The following SMIM3 variants were observed in gnomAD, a reference collection of about 807,000 sequenced individuals.
SMIM3 encodes the protein small integral membrane protein 3, also known as NGF-induced differentiation clone 67 protein.
SMIM3 carries 4 observed loss-of-function variants against 2.1 expected under a neutral mutation model. The observed-to-expected ratio is 1.89, with a 90% CI of 0.93 to 4.31. The LOEUF (loss-of-function observed/expected upper bound fraction) is 4.31. Among genes scored for constraint, SMIM3 ranks in the 30% most tolerant of loss-of-function variants. SMIM3 has a pLI of 0.01. For synonymous variants in SMIM3, 29 were observed against 30.8 expected, an observed-to-expected ratio of 0.94 and a Z score of 0.19; for missense variants, 79 against 77.7, an observed-to-expected ratio of 1.02 and a Z score of -0.06.
intron 1 of SMIM3, among the ~76,000 whole-genome samples, chr5:150,784,867 G>A (rs546722547): frequency 8.6e-5 from 13 of 151,754 alleles, no homozygotes; most frequent in Non-Finnish European, 1.2e-4. Context: ...CCTGTTTTCC[G>A]CTGGAAATTA....
intron 1 of SMIM3, among the ~76,000 whole-genome samples, chr5:150,791,941 T>C (rs181074502): frequency 2.6e-5 from 4 of 152,312 alleles, no homozygotes; most frequent in Admixed American, 2.6e-4. Context: ...AATGAATGAA[T>C]GGGTGAGTGA....
Position 150,792,270 on chromosome 5 carries a change from G to T in SMIM3, c.-11-3160G>T, listed in dbSNP as rs545181491. On this transcript the variant is annotated intron_variant, in intron 1 of 1. Transcript: ENST00000526627. ...ATCGACCTTACATTTGAAAGGACCT[G>T]CAGGAGATAGTTCCAGCCTTGTGCC... Among the ~76,000 whole-genome samples the T allele has an allele frequency of 9.8e-5, 15 of 152,332 alleles. No individual in the cohort carries two copies. In the South Asian group the frequency reaches 2.9e-3, roughly 30 times the overall value.
rs1753407735 is a variant in SMIM3 at position 150,796,240 on chromosome 5, C to T, written c.*617C>T. The T allele has an allele frequency of 1.3e-5, 2 of 153,368 alleles. No individual in the cohort carries two copies. 9.5% of individuals were successfully genotyped at this position (153,368 alleles called of 1,614,324 possible). The stretch of plus-strand genomic sequence containing the variant: ...AAGGCTGTGCCATCTTTGGGCACTG[C>T]CAAGGGAGTTGGGGTGATGGGCTTC... On this transcript the variant is annotated 3_prime_UTR_variant, in exon 2 of 2. Coordinates refer to ENST00000526627, the MANE Select transcript of SMIM3 (RefSeq NM_032947.5).
In SMIM3 at chr5:150,788,369, G is replaced by A. The variant is rs1292729671; in HGVS notation, c.-11-7061G>A. On this transcript the variant is annotated intron_variant, in intron 1 of 1. Coordinates refer to ENST00000526627, the MANE Select transcript of SMIM3 (RefSeq NM_032947.5). The stretch of plus-strand genomic sequence containing the variant: ...TTTTACCTTTGGAAAAGTAAAATTT[G>A]ACCAGGTGCGGTCACTCTCCTTTGG... Among the ~76,000 whole-genome samples, 3 of 152,152 alleles carry A rather than the reference G, an allele frequency of 2.0e-5. No homozygotes were observed. The East Asian group carries it at 5.8e-4, about 29-fold the overall frequency.
rs768317242 is a variant in SMIM3, at chr5:150,795,456, C to T, written c.16C>T (p.Gln6Ter). 1.2e-6 allele frequency: 2 copies of T among 1,613,974 alleles called. No individual in the cohort carries two copies. The highest frequency in any genetic ancestry group is 2.2e-5 in the South Asian group (2 of 91,080). MDAVS[Q>*]VPMEVVLPKH... ...GTGAAGCAACATGGATGCAGTCAGC[C>T]AAGTCCCCATGGAAGTCGTGCTTCC... Residue 6 changes from glutamine (Q) to a stop codon, truncating the protein, a stop_gained, in exon 2 of 2, where the codon CAA (glutamine) becomes TAA (stop). Transcript: ENST00000526627. LOFTEE classifies it high-confidence loss of function.
rs922181099 is a variant in SMIM3 at position 150,795,502 on chromosome 5, G to A, written c.62G>A (p.Trp21Ter). 2.5e-6 allele frequency: 4 copies of A among 1,613,738 alleles called. No individual in the cohort carries two copies. The highest frequency in any genetic ancestry group is 2.2e-5 in the East Asian group (1 of 44,882). Residue 21 changes from tryptophan (W) to a stop codon, truncating the protein, a stop_gained, in exon 2 of 2, where the codon TGG becomes TAG. Coordinates refer to ENST00000526627, the MANE Select transcript of SMIM3 (RefSeq NM_032947.5). LOFTEE classifies it high-confidence loss of function. ...VVLPKHILDI[W>*]VIVLIILATI... ...CTTCCCAAGCACATCCTGGATATCT[G>A]GGTTATTGTCCTCATCATCCTGGCC...
At chr5:150,790,313 G>C (rs552136538) in intron 1 of SMIM3, among the ~76,000 whole-genome samples, 55 of 152,292 alleles carry the variant, frequency 3.6e-4, no homozygotes, top group African/African-American at 1.3e-3. Flanking sequence ...AAGACTGTTT[G>C]ATGTTAAAGG....
chr5:150,795,300 C>T, intron 1 of SMIM3, 130 bp from the exon 2 acceptor site: 1 of 922,746 alleles, frequency 1.1e-6, no homozygotes, highest in South Asian at 1.3e-5. Flanking sequence ...ATTGTAATTA[C>T]TAATCAGGGA....
rs539174343 is a variant in SMIM3, at chr5:150,795,773, C to G, written c.*150C>G. 2.1e-4 allele frequency: 169 copies of G among 817,102 alleles called. No homozygotes were observed. The highest frequency in any genetic ancestry group is 3.0e-4 in the Non-Finnish European group (159 of 532,826). The allele number at this position is 817,102 out of a possible 1,614,324, so 50.6% of individuals were successfully genotyped here. On this transcript the variant is annotated 3_prime_UTR_variant, in exon 2 of 2. Coordinates refer to ENST00000526627, the MANE Select transcript of SMIM3 (RefSeq NM_032947.5). ...CACGAGCCAGCTGTGTGAATTTGGTCAAGGGACCTAACTCTCTGAGTTCCA... is the reference window on the plus strand; with the variant it reads ...CACGAGCCAGCTGTGTGAATTTGGTGAAGGGACCTAACTCTCTGAGTTCCA...
chr5:150,788,061 G>A (rs79270359), intron 1 of SMIM3, among the ~76,000 whole-genome samples: 12,480 of 152,172 alleles, frequency 0.082, 702 homozygotes, highest in East Asian at 0.25. Flanking sequence ...AGAGTCTGAC[G>A]AGTAGATAAC....
chr5:150,785,585 T>C (rs1379024397), intron 1 of SMIM3, among the ~76,000 whole-genome samples: 11 of 106,138 alleles, frequency 1.0e-4, no homozygotes, highest in South Asian at 6.5e-4. Flanking sequence ...CTTTTCTTTT[T>C]TTTTTTTTTT....
chr5:150,784,797 T>G (rs1753272958), intron 1 of SMIM3, among the ~76,000 whole-genome samples: 1 of 152,200 alleles, frequency 6.6e-6, no homozygotes, highest in Non-Finnish European at 1.5e-5. Flanking sequence ...TCTACCATCT[T>G]TCTCTGTGCT....
chr5:150,794,608 G>C (rs183249411), intron 1 of SMIM3, among the ~76,000 whole-genome samples: 1 of 152,330 alleles, frequency 6.6e-6, no homozygotes, highest in Non-Finnish European at 1.5e-5. Context: ...ATATGTGGGA[G>C]CTAAGCTATG....
chr5:150,784,762 C>T (rs563595306), intron 1 of SMIM3, among the ~76,000 whole-genome samples: 44 of 152,208 alleles, frequency 2.9e-4, no homozygotes, highest in Middle Eastern at 6.8e-3. Context: ...TGTACCCTAA[C>T]GGTCCTTGTT....
At chr5:150,789,631 C>T (rs1448521559) in intron 1 of SMIM3, among the ~76,000 whole-genome samples, 2 of 152,168 alleles carry the variant, frequency 1.3e-5, no homozygotes, top group African/African-American at 2.4e-5. Flanking sequence ...TGAATAGTAG[C>T]ACTGCCCTAC....
chr5:150,788,487 T>C (rs1042617016), intron 1 of SMIM3, among the ~76,000 whole-genome samples: 1 of 151,318 alleles, frequency 6.6e-6, no homozygotes, highest in African/African-American at 2.4e-5. Flanking sequence ...ATACAAAAAT[T>C]AGCCAGGTGT....
chr5:150,791,924 TTAAA>T (rs1270568121), intron 1 of SMIM3, among the ~76,000 whole-genome samples: 1 of 152,194 alleles, frequency 6.6e-6, no homozygotes, highest in African/African-American at 2.4e-5. Flanking sequence ...TATATACTTG[TTAAA>T]TGAATGAATG....
At chr5:150,781,717 T>C (rs1056666489) in intron 1 of SMIM3, among the ~76,000 whole-genome samples, 2 of 152,126 alleles carry the variant, frequency 1.3e-5, no homozygotes, top group African/African-American at 2.4e-5. Context: ...GGCTCACACA[T>C]TGAGGCAAGG....
chr5:150,795,637 G>A lies in SMIM3; in HGVS notation c.*14G>A, dbSNP rs1753397377. On this transcript the variant is annotated 3_prime_UTR_variant, in exon 2 of 2. Transcript: ENST00000526627. ...GGGGCTGTTTGAGAGCCTCCCAAGAGGGCCGGGTGAGGGATGAGGACAGGC... is the reference window on the plus strand; with the variant it reads ...GGGGCTGTTTGAGAGCCTCCCAAGAAGGCCGGGTGAGGGATGAGGACAGGC... 1.9e-6 allele frequency: 3 copies of A among 1,538,918 alleles called. No homozygotes were observed. The highest frequency in any genetic ancestry group is 2.0e-5 in the Admixed American group (1 of 51,040).
Sources: allele counts gnomAD v4.1 joint callset (sites outside exome capture counted in the v4.1 genomes callset), GRCh38; gene constraint gnomAD v4.1.1; transcripts MANE v1.5; gene names NCBI Gene and HGNC (gene_info 2026-07-23, HGNC 2026-07-21).